The following ADRA1A variants were observed in gnomAD, a reference collection of about 807,000 sequenced individuals.
ADRA1A encodes adrenoceptor alpha 1A.
In ADRA1A, 31 loss-of-function variants were observed where a neutral mutation model predicts 29.6. That is an observed-to-expected ratio of 1.05 (90% CI 0.79 to 1.41). The LOEUF (loss-of-function observed/expected upper bound fraction) is 1.41. Ranked by LOEUF, ADRA1A falls within the 40% of genes most tolerant of loss-of-function variation. The pLI, the probability that ADRA1A is intolerant of heterozygous loss-of-function variation, is 0.00. For missense variants in ADRA1A, 619 were observed against 601.1 expected, an observed-to-expected ratio of 1.03 and a Z score of -0.31; for synonymous variants, 311 against 254.3, an observed-to-expected ratio of 1.22 and a Z score of -2.12.
At chr8:26,771,496 G>A (rs777428204) in intron 2 of ADRA1A, among the ~76,000 whole-genome samples, 5 of 152,002 alleles carry the variant, frequency 3.3e-5, no homozygotes, top group East Asian at 1.9e-4. Context: ...AACCCTACCC[G>A]TTGATGTGCA....
chr8:26,752,535 C>A (rs1804966287), downstream of ADRA1A, among the ~76,000 whole-genome samples: 1 of 152,204 alleles, frequency 6.6e-6, no homozygotes, highest in Non-Finnish European at 1.5e-5. Flanking sequence ...GCTTGCTTAT[C>A]TGTGCCTGCA....
chr8:26,838,219 T>G (rs148163734), intron 2 of ADRA1A, among the ~76,000 whole-genome samples: 120 of 152,348 alleles, frequency 7.9e-4, no homozygotes, highest in African/African-American at 2.8e-3. Context: ...TTTGGACAAT[T>G]GATGTATTTT....
intron 2 of ADRA1A, among the ~76,000 whole-genome samples, chr8:26,828,700 G>A (rs893834734): frequency 1.3e-5 from 2 of 151,940 alleles, no homozygotes; most frequent in Admixed American, 1.3e-4. Context: ...ATTCTCTGTC[G>A]AACTCTCCTT....
rs1809020455 is a variant in ADRA1A at position 26,806,759 on chromosome 8, A to G, written c.884-36093T>C. Among the ~76,000 whole-genome samples, 1 of 152,204 alleles carries G rather than the reference A, an allele frequency of 6.6e-6. No homozygotes were observed. The highest frequency in any genetic ancestry group is 1.5e-5 in the Non-Finnish European group (1 of 68,042). ...ATGCCTGGAAGGAGGAAATAGGAAG[A>G]GCACGTGCAGTGGCTGCTGCTAGAA... On this transcript the variant is annotated intron_variant, in intron 2 of 2. Coordinates refer to ENST00000380573, the MANE Select transcript of ADRA1A (RefSeq NM_000680.4). The surrounding 1 kb of genome is among the most constrained non-coding windows in gnomAD (Gnocchi z 4.6).
rs1456433323 is a variant in ADRA1A at position 26,841,260 on chromosome 8, T to A, written c.883+22827A>T. On this transcript the variant is annotated intron_variant, in intron 2 of 2. Transcript: ENST00000380573. This position sits in a 1 kb window ranked among gnomAD's most constrained non-coding sequence, Gnocchi z 4.4. The stretch of plus-strand genomic sequence containing the variant: ...AGGGAAGTGGGAAGTAGCAGGCAGA[T>A]CACGCTGACAGGTTGGCTTCAAGTG... Among the ~76,000 whole-genome samples the A allele has an allele frequency of 6.6e-6, 1 of 152,158 alleles. No homozygotes were observed. Among genetic ancestry groups the A allele is most frequent in the African/African-American group, 2.4e-5 (1 of 41,432 alleles).
At position 26,864,494 on chromosome 8, in the gene ADRA1A, A is replaced by G; in HGVS notation, c.476T>C (p.Ile159Thr). Residue 159 changes from isoleucine to threonine, a missense_variant, in exon 2 of 3, where the codon ATT (isoleucine) becomes ACT (threonine). Physicochemically the swap from Ile to Thr is moderately conservative, Grantham distance 89. Transcript: ENST00000380573. The surrounding 1 kb of genome is among the most constrained non-coding windows in gnomAD (Gnocchi z 8.1). Reference protein sequence around the residue: ...CVWALSLVISIGPLFGWRQPA... With the variant: ...CVWALSLVISTGPLFGWRQPA... ...CTGCCTCCAGCCGAACAGGGGTCCA[A>G]TGGATATGACCAGGGAGAGTGCCCA... The G allele has an allele frequency of 6.2e-7, 1 of 1,613,898 alleles. No individual in the cohort carries two copies. Among genetic ancestry groups the G allele is most frequent in the Non-Finnish European group, 8.5e-7 (1 of 1,180,024 alleles).
At chr8:26,846,053 A>G (rs1812171704) in intron 2 of ADRA1A, among the ~76,000 whole-genome samples, 1 of 152,218 alleles carries the variant, frequency 6.6e-6, no homozygotes, top group Admixed American at 6.5e-5. Flanking sequence ...ACAATTTAAG[A>G]TGGTTAAAAT....
At chr8:26,814,431 TA>T (rs1454996826) in intron 2 of ADRA1A, among the ~76,000 whole-genome samples, 1 of 152,082 alleles carries the variant, frequency 6.6e-6, no homozygotes, top group African/African-American at 2.4e-5. Context: ...TGCCTAATTT[TA>T]AAAAGTATTT....
chr8:26,865,234 C>G lies in ADRA1A; in HGVS notation c.-265G>C. 7.6e-7 allele frequency: 1 copy of G among 1,313,962 alleles called. No homozygotes were observed. The highest frequency in any genetic ancestry group is 1.9e-5 in the South Asian group (1 of 52,286). The allele number at this position is 1,313,962 out of a possible 1,614,324, so 81.4% of individuals were successfully genotyped here. On this transcript the variant is annotated 5_prime_UTR_variant, in exon 2 of 3. Transcript: ENST00000380573. This position sits in a 1 kb window ranked among gnomAD's most constrained non-coding sequence, Gnocchi z 7.6. The stretch of plus-strand genomic sequence containing the variant: ...GCTGCCGGGGACCCTCTCCACCTGC[C>G]GGGCTGGCCTAGCCCGGGACCCGGA...
downstream of ADRA1A, among the ~76,000 whole-genome samples, chr8:26,754,778 G>C (rs1178297146): frequency 6.6e-6 from 1 of 152,120 alleles, no homozygotes; most frequent in Non-Finnish European, 1.5e-5. Context: ...CTAACTGTTA[G>C]TTGATTGCAA....
At chr8:26,833,739 A>G (rs1431082882) in intron 2 of ADRA1A, among the ~76,000 whole-genome samples, 1 of 152,234 alleles carries the variant, frequency 6.6e-6, no homozygotes, top group East Asian at 1.9e-4. Context: ...TACTTCTCTG[A>G]ATGAGATTTT....
At chr8:26,844,302 G>T (rs963667602) in intron 2 of ADRA1A, among the ~76,000 whole-genome samples, 1 of 152,100 alleles carries the variant, frequency 6.6e-6, no homozygotes, top group Admixed American at 6.5e-5. Flanking sequence ...ATTATTAATC[G>T]AGAACTTGCA....
intron 2 of ADRA1A, among the ~76,000 whole-genome samples, chr8:26,813,735 T>C (rs1041931646): frequency 7.9e-5 from 12 of 152,140 alleles, no homozygotes; most frequent in African/African-American, 2.7e-4. Flanking sequence ...AAGGTGGCAT[T>C]TTTTCTCATT....
chr8:26,770,588 A>T lies in ADRA1A; in HGVS notation c.962T>A (p.Ile321Asn). ...GGAGCATGGGTATATGATGGGGTTG[A>T]TGCAGCTGTTTAGATATCCGAGCCA... ...VFWLGYLNSC[I>N]NPIIYPCSSQ... Residue 321 changes from isoleucine (I) to asparagine (N), a missense_variant, in exon 3 of 3, where the codon ATC becomes AAC. Coordinates refer to ENST00000380573, the MANE Select transcript of ADRA1A (RefSeq NM_000680.4). 6.2e-7 allele frequency: 1 copy of T among 1,614,216 alleles called. No homozygotes were observed. Among genetic ancestry groups the T allele is most frequent in the Non-Finnish European group, 8.5e-7 (1 of 1,180,034 alleles).
downstream of ADRA1A, among the ~76,000 whole-genome samples, chr8:26,765,317 G>A (rs1805717060): frequency 6.6e-6 from 1 of 152,234 alleles, no homozygotes; most frequent in South Asian, 2.1e-4. Context: ...AATGCTGATG[G>A]GAGCAGGGCT....
chr8:26,783,979 A>C (rs969572375), intron 2 of ADRA1A, among the ~76,000 whole-genome samples: 1 of 125,688 alleles, frequency 8.0e-6, no homozygotes, highest in Non-Finnish European at 1.7e-5. Context: ...AGCTGAATGA[A>C]CACAGGGACA....
Position 26,842,621 on chromosome 8 carries a change from C to A in ADRA1A, c.883+21466G>T, listed in dbSNP as rs372922542. On this transcript the variant is annotated intron_variant, in intron 2 of 2. Transcript: ENST00000380573. ...GAATCTCTCACTTCAACACACCTTGCGATCACTGCAGACCGGATCTTATTC... is the reference window on the plus strand; with the variant it reads ...GAATCTCTCACTTCAACACACCTTGAGATCACTGCAGACCGGATCTTATTC... Among the ~76,000 whole-genome samples, 5 of 152,236 alleles carry A rather than the reference C, an allele frequency of 3.3e-5. No individual in the cohort carries two copies. In the East Asian group the frequency reaches 7.7e-4, roughly 24 times the overall value.
chr8:26,809,468 C>T (rs193009775), intron 2 of ADRA1A, among the ~76,000 whole-genome samples: 1 of 152,274 alleles, frequency 6.6e-6, no homozygotes, highest in African/African-American at 2.4e-5. Flanking sequence ...AGTAGAGACT[C>T]TAAGATCCAG....
chr8:26,834,669 A>G (rs1811221362), intron 2 of ADRA1A, among the ~76,000 whole-genome samples: 1 of 152,226 alleles, frequency 6.6e-6, no homozygotes. Context: ...CTGCAGTCAG[A>G]TAGTTCTTCA....
Sources: allele counts gnomAD v4.1 joint callset (sites outside exome capture counted in the v4.1 genomes callset), GRCh38; gene constraint gnomAD v4.1.1; non-coding constraint Gnocchi (gnomAD v3.1); transcripts MANE v1.5; gene names NCBI Gene and HGNC (gene_info 2026-07-23, HGNC 2026-07-21).